SPATA31D3: variants seen among roughly 807,000 people sequenced by gnomAD.
SPATA31D3 encodes spermatogenesis-associated protein 31D3.
For missense variants in SPATA31D3, 91 were observed against 297.9 expected (o/e 0.31, Z 5.11); for synonymous variants, 27 against 107.8 (o/e 0.25, Z 4.65).
Position 81,949,914 on chromosome 9 carries a change from A to G in SPATA31D3, c.*1907A>G. 1.6e-6 allele frequency: 1 copy of G among 621,140 alleles called. No individual in the cohort carries two copies. Among genetic ancestry groups the G allele is most frequent in the Non-Finnish European group, 2.9e-6 (1 of 346,684 alleles). 38.5% of individuals were successfully genotyped at this position (621,140 alleles called of 1,614,324 possible). ...AAACCCCACTTGCAGTGTGAAGTCA[A>G]CCTGGTGCCTCCGGTCATCCTGACC... On this transcript the variant is annotated 3_prime_UTR_variant, in exon 4 of 4. Coordinates refer to ENST00000445385, the MANE Select transcript of SPATA31D3 (RefSeq NM_207416.3).
chr9:81,948,005 T>A lies in SPATA31D3; in HGVS notation c.2752T>A (p.Ter918ArgextTer89). 2 of 1,583,772 alleles carry A rather than the reference T, an allele frequency of 1.3e-6. No individual in the cohort carries two copies. The highest frequency in any genetic ancestry group is 1.7e-6 in the Non-Finnish European group (2 of 1,165,410). Residue 918 changes from the stop codon to arginine (R), a stop_lost, in exon 4 of 4, where the codon TGA (stop) becomes AGA (arginine). Coordinates refer to ENST00000445385, the MANE Select transcript of SPATA31D3 (RefSeq NM_207416.3). ...HMKPILNLSI[*>R] ...GAAGCCCATATTAAATCTTTCCATA[T>A]GAGGATGCTGTGGGGCCTTCCCCGC...
At chr9:81,945,022 T>C (rs1424450641) in intron 2 of SPATA31D3, 150 bp from the exon 3 acceptor site, 4 of 313,200 alleles carry the variant, frequency 1.3e-5, no homozygotes, top group Non-Finnish European at 2.2e-5. Context: ...ACATGTGAAC[T>C]TGTGAACATT....
chr9:81,949,857 T>G lies in SPATA31D3; in HGVS notation c.*1850T>G, dbSNP rs2133373843. On this transcript the variant is annotated 3_prime_UTR_variant, in exon 4 of 4. Coordinates refer to ENST00000445385, the MANE Select transcript of SPATA31D3 (RefSeq NM_207416.3). Reference sequence around the variant, plus strand: ...GATATTGTGTCAAAGGCATCCCCAATCCATGCCCCACAGGAAGCCTGTGCC... The same window carrying G: ...GATATTGTGTCAAAGGCATCCCCAAGCCATGCCCCACAGGAAGCCTGTGCC... 1.1e-6 allele frequency: 1 copy of G among 898,304 alleles called. No individual in the cohort carries two copies. The highest frequency in any genetic ancestry group is 1.6e-5 in the South Asian group (1 of 64,460). The allele number at this position is 898,304 out of a possible 1,614,324, so 55.6% of individuals were successfully genotyped here.
At position 81,949,498 on chromosome 9, in the gene SPATA31D3, A is replaced by T; in HGVS notation, c.*1491A>T. ...TCGAGTTAAAAGTAGAGCTGTCTTT[A>T]CTGGGACTATTGAAGCTCAGAAAAT... is the stretch of plus-strand genomic sequence containing the variant. On this transcript the variant is annotated 3_prime_UTR_variant, in exon 4 of 4. Transcript: ENST00000445385. 1.9e-6 allele frequency: 1 copy of T among 530,622 alleles called. No individual in the cohort carries two copies. The highest frequency in any genetic ancestry group is 3.5e-6 in the Non-Finnish European group (1 of 283,726). The allele number at this position is 530,622 out of a possible 1,614,324, so 32.9% of individuals were successfully genotyped here. A position where few individuals can be genotyped will look rare whatever the true frequency, so the allele number is the denominator to read the frequency against.
Position 81,949,738 on chromosome 9 carries a change from C to A in SPATA31D3, c.*1731C>A. On this transcript the variant is annotated 3_prime_UTR_variant, in exon 4 of 4. Coordinates refer to ENST00000445385, the MANE Select transcript of SPATA31D3 (RefSeq NM_207416.3). ...GACATGTACCAAATCTTGCAGCCAA[C>A]AAGCTATCTTTGTCGGCCAGAATTA... 1 of 1,406,954 alleles carries A rather than the reference C, an allele frequency of 7.1e-7. No individual in the cohort carries two copies. Among genetic ancestry groups the A allele is most frequent in the Non-Finnish European group, 1.0e-6 (1 of 996,394 alleles). The allele number at this position is 1,406,954 out of a possible 1,614,324, so 87.2% of individuals were successfully genotyped here.
Position 81,949,775 on chromosome 9 carries a change from T to G in SPATA31D3, c.*1768T>G. 4 of 1,340,444 alleles carry G rather than the reference T, an allele frequency of 3.0e-6. No homozygotes were observed. The Admixed American group carries it at 6.8e-5, about 23-fold the overall frequency. 83.0% of individuals were successfully genotyped at this position (1,340,444 alleles called of 1,614,324 possible). On this transcript the variant is annotated 3_prime_UTR_variant, in exon 4 of 4. Coordinates refer to ENST00000445385, the MANE Select transcript of SPATA31D3 (RefSeq NM_207416.3). The stretch of plus-strand genomic sequence containing the variant: ...GTCGGCCAGAATTATCCTGCAATGA[T>G]TAGACAGATCATAGACAAGGACAGA...
chr9:81,948,875 C>T lies in SPATA31D3; in HGVS notation c.*868C>T, dbSNP rs1823951405. ...ACTGAAATTTTCCCACCAAGAATAT[C>T]AGTTCCTCAAACTCCTAAATCATCA... On this transcript the variant is annotated 3_prime_UTR_variant, in exon 4 of 4. Transcript: ENST00000445385. 3.2e-6 allele frequency: 1 copy of T among 311,396 alleles called. No homozygotes were observed. Among genetic ancestry groups the T allele is most frequent in the Non-Finnish European group, 5.5e-6 (1 of 182,778 alleles). The allele number at this position is 311,396 out of a possible 1,614,324, so 19.3% of individuals were successfully genotyped here. A position where few individuals can be genotyped will look rare whatever the true frequency, so the allele number is the denominator to read the frequency against.
rs1303188233 is a variant in SPATA31D3, at chr9:81,949,927, G to A, written c.*1920G>A. ...AGTGTGAAGTCAACCTGGTGCCTCC[G>A]GTCATCCTGACCAGTGCTAAAAACA... On this transcript the variant is annotated 3_prime_UTR_variant, in exon 4 of 4. Coordinates refer to ENST00000445385, the MANE Select transcript of SPATA31D3 (RefSeq NM_207416.3). The A allele has an allele frequency of 5.1e-6, 3 of 589,772 alleles. No individual in the cohort carries two copies. The highest frequency in any genetic ancestry group is 1.9e-5 in the African/African-American group (1 of 53,674). 36.5% of individuals were successfully genotyped at this position (589,772 alleles called of 1,614,324 possible).
Position 81,949,058 on chromosome 9 carries a change from C to T in SPATA31D3, c.*1051C>T. The T allele has an allele frequency of 7.5e-6, 4 of 530,560 alleles. No homozygotes were observed. The South Asian group carries it at 7.8e-5, about 10-fold the overall frequency. The allele number at this position is 530,560 out of a possible 1,614,324, so 32.9% of individuals were successfully genotyped here. A position where few individuals can be genotyped will look rare whatever the true frequency, so the allele number is the denominator to read the frequency against. ...GGCATCTCGAATCAGGACTTGGGAA[C>T]TTCCCAGGTGCTGCATGTCCACTTG... On this transcript the variant is annotated 3_prime_UTR_variant, in exon 4 of 4. Transcript: ENST00000445385.
chr9:81,947,880 T>A lies in SPATA31D3; in HGVS notation c.2627T>A (p.Leu876Ter). Residue 876 changes from leucine (L) to a stop codon, truncating the protein, a stop_gained, in exon 4 of 4, where the codon TTG becomes TAG. Coordinates refer to ENST00000445385, the MANE Select transcript of SPATA31D3 (RefSeq NM_207416.3). LOFTEE classifies it low-confidence loss of function (END_TRUNC). ...SQIKHRNLAA[L>*]VSEDHRVDTS... ...ATTAAACATCGAAATTTGGCAGCAT[T>A]GGTGAGTGAGGACCACCGCGTTGAT... The A allele has an allele frequency of 6.2e-7, 1 of 1,611,924 alleles. No individual in the cohort carries two copies. Among genetic ancestry groups the A allele is most frequent in the South Asian group, 1.1e-5 (1 of 90,820 alleles).
rs563913064 is a variant in SPATA31D3, at chr9:81,949,666, C to T, written c.*1659C>T. 2.0e-5 allele frequency: 22 copies of T among 1,125,260 alleles called. No individual in the cohort carries two copies. Among genetic ancestry groups the T allele is most frequent in the Middle Eastern group, 5.4e-4 (2 of 3,714 alleles). The allele number at this position is 1,125,260 out of a possible 1,614,324, so 69.7% of individuals were successfully genotyped here. ...GCCAGAACTGCAGGTCAGAGCAGAGCCTGTCCAGGGCTATCCCTGCAACTA... is the reference window on the plus strand; with the variant it reads ...GCCAGAACTGCAGGTCAGAGCAGAGTCTGTCCAGGGCTATCCCTGCAACTA... On this transcript the variant is annotated 3_prime_UTR_variant, in exon 4 of 4. Coordinates refer to ENST00000445385, the MANE Select transcript of SPATA31D3 (RefSeq NM_207416.3).
In SPATA31D3 at chr9:81,949,936, G is replaced by A. The variant is rs1824005780; in HGVS notation, c.*1929G>A. 1.8e-6 allele frequency: 1 copy of A among 564,162 alleles called. No homozygotes were observed. Among genetic ancestry groups the A allele is most frequent in the African/African-American group, 1.9e-5 (1 of 53,094 alleles). The allele number at this position is 564,162 out of a possible 1,614,324, so 34.9% of individuals were successfully genotyped here. A position where few individuals can be genotyped will look rare whatever the true frequency, so the allele number is the denominator to read the frequency against. The stretch of plus-strand genomic sequence containing the variant: ...TCAACCTGGTGCCTCCGGTCATCCT[G>A]ACCAGTGCTAAAAACACTGTGTTCA... On this transcript the variant is annotated 3_prime_UTR_variant, in exon 4 of 4. Coordinates refer to ENST00000445385, the MANE Select transcript of SPATA31D3 (RefSeq NM_207416.3).
rs144862035 is a variant in SPATA31D3, at chr9:81,949,193, C to T, written c.*1186C>T. ...TCACCAGCTACAAAGAGAGTGAGCC[C>T]TCTAAGACCTAATGGAGGAGAGCTT... On this transcript the variant is annotated 3_prime_UTR_variant, in exon 4 of 4. Transcript: ENST00000445385. 1 of 465,856 alleles carries T rather than the reference C, an allele frequency of 2.1e-6. No individual in the cohort carries two copies. The highest frequency in any genetic ancestry group is 3.2e-5 in the South Asian group (1 of 31,684). 28.9% of individuals were successfully genotyped at this position (465,856 alleles called of 1,614,324 possible).
chr9:81,949,403 T>C lies in SPATA31D3; in HGVS notation c.*1396T>C, dbSNP rs1396427787. ...TTGCAGCAGTCTAATAAACCCATCA[T>C]AACATATGGAAAACAAGAAAGTTCC... is the stretch of plus-strand genomic sequence containing the variant. On this transcript the variant is annotated 3_prime_UTR_variant, in exon 4 of 4. Transcript: ENST00000445385. 1.3e-5 allele frequency: 5 copies of C among 371,322 alleles called. No individual in the cohort carries two copies. The highest frequency in any genetic ancestry group is 3.6e-4 in the Middle Eastern group (1 of 2,810). 23.0% of individuals were successfully genotyped at this position (371,322 alleles called of 1,614,324 possible).
chr9:81,945,331 AT>A, intron 3 of SPATA31D3, 99 bp downstream of exon 3: 2 of 332,112 alleles, frequency 6.0e-6, no homozygotes, highest in South Asian at 6.5e-5. Flanking sequence ...TGTTCTATTC[AT>A]TTCAGGGATT....
chr9:81,949,159 A>G lies in SPATA31D3; in HGVS notation c.*1152A>G, dbSNP rs1027393497. On this transcript the variant is annotated 3_prime_UTR_variant, in exon 4 of 4. Coordinates refer to ENST00000445385, the MANE Select transcript of SPATA31D3 (RefSeq NM_207416.3). ...GCATGTCTTACAGAAATGCCAAGTT[A>G]AGAATTTTTCACCAGCTACAAAGAG... 33 of 549,680 alleles carry G rather than the reference A, an allele frequency of 6.0e-5. No homozygotes were observed. Among genetic ancestry groups the G allele is most frequent in the African/African-American group, 1.9e-5 (1 of 53,398 alleles). The allele number at this position is 549,680 out of a possible 1,614,324, so 34.1% of individuals were successfully genotyped here.
Position 81,945,611 on chromosome 9 carries a change from C to A in SPATA31D3, c.358C>A (p.Leu120Met). Residue 120 changes from leucine to methionine, a missense_variant, in exon 4 of 4, where the codon CTG becomes ATG. By Grantham distance (15) the Leu-to-Met change is conservative. Coordinates refer to ENST00000445385, the MANE Select transcript of SPATA31D3 (RefSeq NM_207416.3). ...QHHDTTLFRR[L>M]LCPDPVCRVC... Reference sequence around the variant, plus strand: ...TCATGATACCACCCTCTTTCGTCGACTGTTATGCCCAGACCCTGTCTGTCG... The same window carrying A: ...TCATGATACCACCCTCTTTCGTCGAATGTTATGCCCAGACCCTGTCTGTCG... 6.9e-6 allele frequency: 1 copy of A among 145,680 alleles called. No individual in the cohort carries two copies. The highest frequency in any genetic ancestry group is 1.6e-3 in the Middle Eastern group (1 of 628). 9.0% of individuals were successfully genotyped at this position (145,680 alleles called of 1,614,324 possible). A position where few individuals can be genotyped will look rare whatever the true frequency, so the allele number is the denominator to read the frequency against.
Position 81,949,477 on chromosome 9 carries a change from G to T in SPATA31D3, c.*1470G>T. On this transcript the variant is annotated 3_prime_UTR_variant, in exon 4 of 4. Coordinates refer to ENST00000445385, the MANE Select transcript of SPATA31D3 (RefSeq NM_207416.3). ...ATCATCTGTGCAGAATAGAGGTCGA[G>T]TTAAAAGTAGAGCTGTCTTTACTGG... The T allele has an allele frequency of 4.1e-6, 2 of 490,592 alleles. No homozygotes were observed. The highest frequency in any genetic ancestry group is 7.7e-6 in the Non-Finnish European group (2 of 261,274). The allele number at this position is 490,592 out of a possible 1,614,324, so 30.4% of individuals were successfully genotyped here.
rs1298093710 is a variant in SPATA31D3 at position 81,947,659 on chromosome 9, A to G, written c.2406A>G (p.Leu802=). The G allele has an allele frequency of 1.4e-5, 22 of 1,582,050 alleles. 1 individual carries two copies. Among genetic ancestry groups the G allele is most frequent in the Non-Finnish European group, 1.6e-5 (18 of 1,160,108 alleles). ...EDLRSNSERD[L]GTHMMHLSGN... ...TGAGGTCTAACTCTGAGAGAGACCT[A>G]GGAACTCATATGATGCATCTGTCAG... Residue 802 remains leucine, a synonymous_variant, in exon 4 of 4, where the codon CTA becomes CTG. Transcript: ENST00000445385.
Sources: gnomAD v4.1 joint callset for allele counts on GRCh38, gnomAD v4.1.1 for gene constraint, MANE v1.5 for transcripts, NCBI Gene and HGNC (gene_info 2026-07-23, HGNC 2026-07-21) for gene names.